Variants in SANBR observed in about 807,000 individuals in gnomAD.
The protein encoded by SANBR is SANT and BTB domain regulator of class switch recombination.
Under a neutral mutation model 101.8 loss-of-function variants are expected in SANBR, and 77 were observed. The ratio of observed to expected loss-of-function variants is 0.76; its 90% CI spans 0.63 to 0.91. SANBR has a LOEUF of 0.91. Ranked by LOEUF, SANBR falls within the 40% of genes least tolerant of loss-of-function variation. SANBR has a pLI of 0.00. For synonymous variants in SANBR, 279 were observed against 274.7 expected (o/e 1.02, Z -0.15); for missense variants, 875 against 853.0 (o/e 1.03, Z -0.32).
chr2:61,121,104 A>T, intron 20 of SANBR, 81 bp from the exon 21 acceptor site: 1 of 999,726 alleles, frequency 1.0e-6, no homozygotes, highest in East Asian at 2.7e-5. Flanking sequence ...TTACTTCTAA[A>T]TTAAAAAGTA....
intron 6 of SANBR, among the ~76,000 whole-genome samples, chr2:61,079,110 T>C (rs1681950173): frequency 6.6e-6 from 1 of 152,202 alleles, no homozygotes; most frequent in African/African-American, 2.4e-5. Flanking sequence ...TTTTGTTCTT[T>C]GTAAATGAAT....
At chr2:61,084,936 A>G (rs1292792161) in intron 8 of SANBR, among the ~76,000 whole-genome samples, 1 of 152,158 alleles carries the variant, frequency 6.6e-6, no homozygotes, top group East Asian at 1.9e-4. Flanking sequence ...GGATTCCAGG[A>G]TAATTATTAG....
At chr2:61,116,466 A>G (rs147087933) in intron 17 of SANBR, among the ~76,000 whole-genome samples, 1 of 152,268 alleles carries the variant, frequency 6.6e-6, no homozygotes, top group African/African-American at 2.4e-5. Context: ...TTTTAAACCA[A>G]TATTATTTAT....
At chr2:61,070,183 A>G in intron 2 of SANBR, 159 bp from the exon 3 acceptor site, 1 of 405,644 alleles carries the variant, frequency 2.5e-6, no homozygotes. Context: ...CTTTTTTGTG[A>G]AGAGATTTAG....
exon 22 of SANBR, chr2:61,137,573 T>C (rs138201525): frequency 2.6e-5 from 4 of 152,384 alleles, no homozygotes; most frequent in African/African-American, 9.6e-5. Context: ...TAGATATTTT[T>C]TTTTCTTTTT....
In SANBR at chr2:61,123,817, T is replaced by G; in HGVS notation, c.*1655T>G. On this transcript the variant is annotated 3_prime_UTR_variant, in exon 22 of 22. Transcript: ENST00000402291. Reference sequence around the variant, plus strand: ...TCTCTTCAGAATGCTTTTGGCCAGGTGTAGTGGCTCACGCCAGTAATCCCA... The same window carrying G: ...TCTCTTCAGAATGCTTTTGGCCAGGGGTAGTGGCTCACGCCAGTAATCCCA... 7 of 984,256 alleles carry G rather than the reference T, an allele frequency of 7.1e-6. No individual in the cohort carries two copies. The highest frequency in any genetic ancestry group is 8.4e-6 in the Non-Finnish European group (7 of 828,772). 61.0% of individuals were successfully genotyped at this position (984,256 alleles called of 1,614,324 possible).
At chr2:61,135,794 G>T (rs574545858) in intron 21 of SANBR, among the ~76,000 whole-genome samples, 8 of 152,110 alleles carry the variant, frequency 5.3e-5, no homozygotes, top group Admixed American at 5.2e-4. Context: ...GCTAAAATAC[G>T]TAGGGAATTA....
chr2:61,105,920 T>C (rs1292042764), intron 13 of SANBR, among the ~76,000 whole-genome samples: 1 of 152,102 alleles, frequency 6.6e-6, no homozygotes, highest in African/African-American at 2.4e-5. Context: ...TCCGCCCGCC[T>C]CGGCCTCGCA....
Position 61,106,588 on chromosome 2 carries a change from GA to G in SANBR, c.1541del (p.Lys514ArgfsTer3), listed in dbSNP as rs752827000. On this transcript the variant is annotated frameshift_variant, in exon 14 of 22. Transcript: ENST00000402291. LOFTEE classifies it high-confidence loss of function. ...TGATGTTGGGGTTGGCCTCTGTGAT[GA>G]AAAGGGTATAGAATGTGATGTTTTA... is the stretch of plus-strand genomic sequence containing the variant. ...VSDVGVGLCD[E>X]KGIECDVLLE... The G allele has an allele frequency of 1.2e-6, 2 of 1,602,092 alleles. No individual in the cohort carries two copies. Among genetic ancestry groups the G allele is most frequent in the South Asian group, 2.3e-5 (2 of 87,258 alleles).
intron 8 of SANBR, 106 bp from the exon 9 acceptor site, chr2:61,088,052 CT>C (rs1682536711): frequency 1.7e-6 from 1 of 589,662 alleles, no homozygotes; most frequent in South Asian, 2.7e-5. Context: ...AAGAGAGCCA[CT>C]AAGGATTTAT....
intron 15 of SANBR, 31 bp from the exon 16 acceptor site, chr2:61,109,166 T>G: frequency 9.1e-7 from 1 of 1,096,286 alleles, no homozygotes. Flanking sequence ...ATCATAATAT[T>G]ACATTTATAA....
At chr2:61,072,004 C>T (rs1681499576) in intron 4 of SANBR, among the ~76,000 whole-genome samples, 1 of 152,020 alleles carries the variant, frequency 6.6e-6, no homozygotes, top group Non-Finnish European at 1.5e-5. Flanking sequence ...GTGGCACCAT[C>T]TCAGCTCACT....
downstream of SANBR, among the ~76,000 whole-genome samples, chr2:61,126,201 G>A (rs1316609883): frequency 6.6e-6 from 1 of 152,080 alleles, no homozygotes; most frequent in Non-Finnish European, 1.5e-5. Flanking sequence ...ATTGCCTACC[G>A]AAGTGCACAA....
intron 6 of SANBR, among the ~76,000 whole-genome samples, chr2:61,077,692 A>C (rs1230466202): frequency 2.0e-5 from 3 of 152,234 alleles, no homozygotes; most frequent in African/African-American, 7.2e-5. Context: ...GAATATACAT[A>C]TCTTTACTGT....
In SANBR at chr2:61,088,373, G is replaced by GA. The variant is rs1682559863; in HGVS notation, c.996dup (p.Leu333ThrfsTer33). 6.3e-7 allele frequency: 1 copy of GA among 1,592,030 alleles called. No individual in the cohort carries two copies. The highest frequency in any genetic ancestry group is 8.5e-7 in the Non-Finnish European group (1 of 1,170,884). On this transcript the variant is annotated frameshift_variant, in exon 10 of 22. Transcript: ENST00000402291. LOFTEE classifies it high-confidence loss of function. ...TTGTTTATAGATGCTGTTTGTGTAA[G>GA]AAACTTTTAACAAAAGAAACAGAAA...
At chr2:61,118,159 C>A in intron 20 of SANBR, 43 bp downstream of exon 20, 1 of 1,260,556 alleles carries the variant, frequency 7.9e-7, no homozygotes, top group South Asian at 1.3e-5. Context: ...GTAAAATATG[C>A]CTTCCTACTT....
chr2:61,099,462 G>C (rs1257429041), intron 12 of SANBR, among the ~76,000 whole-genome samples: 1 of 152,168 alleles, frequency 6.6e-6, no homozygotes, highest in African/African-American at 2.4e-5. Flanking sequence ...GGTGCTACTG[G>C]ATAGCTGGTG....
chr2:61,073,838 GA>G (rs1007706905), intron 5 of SANBR, among the ~76,000 whole-genome samples: 2 of 151,770 alleles, frequency 1.3e-5, no homozygotes, highest in Non-Finnish European at 2.9e-5. Flanking sequence ...AATACCCAAG[GA>G]AAAAAACTGT....
chr2:61,076,863 C>T (rs1275782152), intron 5 of SANBR, 57 bp from the exon 6 acceptor site: 16 of 1,249,972 alleles, frequency 1.3e-5, no homozygotes, highest in Non-Finnish European at 1.7e-5. Context: ...TGTCAGTATT[C>T]TTGACTCCTT....
Sources: allele counts gnomAD v4.1 joint callset (sites outside exome capture counted in the v4.1 genomes callset), GRCh38; gene constraint gnomAD v4.1.1; transcripts MANE v1.5; gene names NCBI Gene and HGNC (gene_info 2026-07-23, HGNC 2026-07-21).